Variants in NSD3 observed in about 807,000 individuals in gnomAD.
The protein encoded by NSD3 is histone-lysine N-methyltransferase NSD3.
In NSD3, 24 loss-of-function variants were observed where a neutral mutation model predicts 160.8. The ratio of observed to expected loss-of-function variants is 0.15; its 90% CI spans 0.11 to 0.21. The LOEUF (loss-of-function observed/expected upper bound fraction) is 0.21. Ranked by LOEUF, NSD3 falls within the 10% of genes least tolerant of loss-of-function variation. The pLI, the probability that NSD3 is intolerant of heterozygous loss-of-function variation, is 1.00. For synonymous variants in NSD3, 520 were observed against 600.0 expected (o/e 0.87, Z 1.95); for missense variants, 1,157 against 1,735.9 (o/e 0.67, Z 5.93).
intron 1 of NSD3, among the ~76,000 whole-genome samples, chr8:38,358,119 G>C (rs1356780896): frequency 6.6e-6 from 1 of 152,052 alleles, no homozygotes; most frequent in Admixed American, 6.6e-5. Context: ...ATGTAGGTCT[G>C]AAATTCAGAA....
At chr8:38,351,390 C>A (rs958462499) in intron 1 of NSD3, among the ~76,000 whole-genome samples, 8 of 150,596 alleles carry the variant, frequency 5.3e-5, no homozygotes, top group African/African-American at 2.0e-4. Context: ...TGAGGCCGGG[C>A]GCCGTGGCTC....
rs1395732591 is a variant in NSD3 at position 38,272,687 on chromosome 8, C to T, written c.*2954G>A. 1 of 152,236 alleles carries T rather than the reference C, an allele frequency of 6.6e-6. No individual in the cohort carries two copies. The highest frequency in any genetic ancestry group is 2.4e-5 in the African/African-American group (1 of 41,468). 9.4% of individuals were successfully genotyped at this position (152,236 alleles called of 1,614,324 possible). The stretch of plus-strand genomic sequence containing the variant: ...GTTAAAAAAAATACCACCATTAGCC[C>T]ATGCTGCTTTAAGTTATTTCATTGT... On this transcript the variant is annotated 3_prime_UTR_variant, in exon 24 of 24. Transcript: ENST00000317025.
rs1477233560 is a variant in NSD3 at position 38,299,640 on chromosome 8, T to G, written c.2612-50A>C. 5.5e-6 allele frequency: 8 copies of G among 1,464,690 alleles called. No homozygotes were observed. The Admixed American group carries it at 1.9e-4, about 36-fold the overall frequency. The allele number at this position is 1,464,690 out of a possible 1,614,324, so 90.7% of individuals were successfully genotyped here. A position where few individuals can be genotyped will look rare whatever the true frequency, so the allele number is the denominator to read the frequency against. On this transcript the variant is annotated intron_variant, in intron 14 of 23. Transcript: ENST00000317025. ...TGAGCTGCAATGAAACTACCCATGATTCCATGAGGAAAAAATAAACCAACA... is the reference window on the plus strand; with the variant it reads ...TGAGCTGCAATGAAACTACCCATGAGTCCATGAGGAAAAAATAAACCAACA...
chr8:38,317,860 T>C lies in NSD3; in HGVS notation c.1855+1035A>G. On this transcript the variant is annotated intron_variant, in intron 9 of 23. Coordinates refer to ENST00000317025, the MANE Select transcript of NSD3 (RefSeq NM_023034.2). This position sits in a 1 kb window ranked among gnomAD's most constrained non-coding sequence, Gnocchi z 5.3. ...ATAATGATGATTGGCGAAATCAAAA[T>C]CGAAAACAAAGAAACTGTTTATCAA... is the stretch of plus-strand genomic sequence containing the variant. 1 of 1,559,690 alleles carries C rather than the reference T, an allele frequency of 6.4e-7. No individual in the cohort carries two copies. Among genetic ancestry groups the C allele is most frequent in the Non-Finnish European group, 8.7e-7 (1 of 1,151,930 alleles).
intron 1 of NSD3, among the ~76,000 whole-genome samples, chr8:38,374,503 T>C (rs1811339713): frequency 6.6e-6 from 1 of 152,038 alleles, no homozygotes; most frequent in Non-Finnish European, 1.5e-5. Flanking sequence ...CTGCCTGTAG[T>C]CCCAGCTACT....
intron 1 of NSD3, among the ~76,000 whole-genome samples, chr8:38,365,903 T>C (rs1010234482): frequency 7.2e-5 from 11 of 152,050 alleles, no homozygotes; most frequent in African/African-American, 2.7e-4. Context: ...AGTAAAAAGA[T>C]TTAAATTACG....
At chr8:38,376,182 T>C (rs954653245) in intron 1 of NSD3, among the ~76,000 whole-genome samples, 2 of 152,134 alleles carry the variant, frequency 1.3e-5, no homozygotes, top group Non-Finnish European at 1.5e-5. Flanking sequence ...GATAATTTTA[T>C]TCAAACAAGA....
intron 1 of NSD3, among the ~76,000 whole-genome samples, chr8:38,353,195 A>T (rs993659461): frequency 6.6e-6 from 1 of 152,188 alleles, no homozygotes; most frequent in African/African-American, 2.4e-5. Flanking sequence ...CTGCAAAAAA[A>T]CCGCAGTTCC....
chr8:38,359,520 A>G (rs1810906549), intron 1 of NSD3, among the ~76,000 whole-genome samples: 1 of 152,224 alleles, frequency 6.6e-6, no homozygotes, highest in Admixed American at 6.5e-5. Flanking sequence ...TCTGGAGGAA[A>G]CAAAAAGTAA....
intron 19 of NSD3, among the ~76,000 whole-genome samples, chr8:38,285,561 TAA>T (rs1246121476): frequency 2.6e-5 from 4 of 152,246 alleles, no homozygotes; most frequent in Non-Finnish European, 5.9e-5. Context: ...GACTGTTTAA[TAA>T]GTTATCTTAC....
intron 4 of NSD3, among the ~76,000 whole-genome samples, chr8:38,335,490 T>G (rs200450816): frequency 3.2e-5 from 3 of 94,776 alleles, no homozygotes; most frequent in African/African-American, 1.1e-4. Context: ...TCTGACATGA[T>G]GTAACTTCTT....
intron 12 of NSD3, among the ~76,000 whole-genome samples, chr8:38,310,556 G>A (rs1323733414): frequency 6.6e-6 from 1 of 151,928 alleles, no homozygotes; most frequent in Non-Finnish European, 1.5e-5. Context: ...TGCCCAGGCT[G>A]GAGTGGAGTG....
At chr8:38,354,103 A>T (rs867246968) in intron 1 of NSD3, among the ~76,000 whole-genome samples, 1 of 152,220 alleles carries the variant, frequency 6.6e-6, no homozygotes, top group African/African-American at 2.4e-5. Flanking sequence ...TCAGGCTCAC[A>T]GGTGATTGAT....
intron 19 of NSD3, among the ~76,000 whole-genome samples, chr8:38,285,316 T>G (rs372561717): frequency 6.6e-6 from 1 of 152,266 alleles, no homozygotes; most frequent in East Asian, 1.9e-4. Flanking sequence ...GTTCCCAGTT[T>G]GGCACACATT....
chr8:38,337,218 G>T, intron 4 of NSD3, 87 bp downstream of exon 4: 2 of 1,140,344 alleles, frequency 1.8e-6, no homozygotes, highest in Admixed American at 3.5e-5. Flanking sequence ...TATATATTAC[G>T]TGTGTATTCT....
At chr8:38,299,293 A>C (rs1809228294) in intron 15 of NSD3, 151 bp downstream of exon 15, 7 of 692,674 alleles carry the variant, frequency 1.0e-5, no homozygotes, top group African/African-American at 1.8e-5. Context: ...ATAATTGTGC[A>C]GCCATATGAA....
In NSD3 at chr8:38,343,832, C is replaced by T. The variant is rs984191020; in HGVS notation, c.675+3665G>A. Among the ~76,000 whole-genome samples the T allele has an allele frequency of 4.6e-5, 7 of 152,210 alleles. No individual in the cohort carries two copies. The South Asian group carries it at 1.0e-3, about 22-fold the overall frequency. On this transcript the variant is annotated intron_variant, in intron 2 of 23. Transcript: ENST00000317025. ...ACCAAACCTGCTACCTTAGTGTTCACGGGACTGATCCAGCCACTCTGCTTT... is the reference window on the plus strand; with the variant it reads ...ACCAAACCTGCTACCTTAGTGTTCATGGGACTGATCCAGCCACTCTGCTTT...
At position 38,317,440 on chromosome 8, in the gene NSD3, TGA is replaced by T. The variant is rs1208995377; in HGVS notation, c.1856-1400_1856-1399del. The T allele has an allele frequency of 1.5e-5, 16 of 1,058,386 alleles. No individual in the cohort carries two copies. The highest frequency in any genetic ancestry group is 1.7e-5 in the Non-Finnish European group (15 of 875,010). The allele number at this position is 1,058,386 out of a possible 1,614,324, so 65.6% of individuals were successfully genotyped here. On this transcript the variant is annotated intron_variant, in intron 9 of 23. Transcript: ENST00000317025. This position sits in a 1 kb window ranked among gnomAD's most constrained non-coding sequence, Gnocchi z 5.3. ...TAACAGAGGAACAGGAGTGCTGTAC[TGA>T]GAGGCTTTCGAAGGGAAACACAGGT... is the stretch of plus-strand genomic sequence containing the variant.
At chr8:38,279,871 A>G in intron 20 of NSD3, 190 bp from the exon 21 acceptor site, 1 of 574,810 alleles carries the variant, frequency 1.7e-6, no homozygotes, top group Non-Finnish European at 3.0e-6. Context: ...TTCAAGTCAA[A>G]GTAATTAGGA....
Sources: allele counts gnomAD v4.1 joint callset (sites outside exome capture counted in the v4.1 genomes callset), GRCh38; gene constraint gnomAD v4.1.1; non-coding constraint Gnocchi (gnomAD v3.1); transcripts MANE v1.5; gene names NCBI Gene and HGNC (gene_info 2026-07-23, HGNC 2026-07-21).